RIT2: variants seen among roughly 807,000 people sequenced by gnomAD.
RIT2 encodes GTP-binding protein Rit2.
Under a neutral mutation model 23.7 loss-of-function variants are expected in RIT2, and 24 were observed. That is an observed-to-expected ratio of 1.01 (90% confidence interval 0.73 to 1.43). The LOEUF (loss-of-function observed/expected upper bound fraction) is 1.43. Ranked by LOEUF, RIT2 falls within the 40% of genes most tolerant of loss-of-function variation. The probability of loss-of-function intolerance (pLI) is 0.00; values close to 1 mark genes in which losing one functional copy is unlikely to be tolerated. For missense variants in RIT2, 236 were observed against 266.9 expected (o/e 0.88, Z 0.81); for synonymous variants, 107 against 91.1 (o/e 1.17, Z -0.99).
chr18:43,065,243 T>C (rs1398171464), intron 1 of RIT2, among the ~76,000 whole-genome samples: 1 of 91,502 alleles, frequency 1.1e-5, no homozygotes, highest in Non-Finnish European at 2.4e-5. Flanking sequence ...TTTTTTTTTT[T>C]AGAGACATGG....
At chr18:42,965,190 A>T (rs1437006967) in intron 3 of RIT2, among the ~76,000 whole-genome samples, 1 of 152,214 alleles carries the variant, frequency 6.6e-6, no homozygotes, top group African/African-American at 2.4e-5. Flanking sequence ...TGAATGAACA[A>T]ACCAGTTTTG....
intron 4 of RIT2, among the ~76,000 whole-genome samples, chr18:42,747,164 T>C (rs548364671): frequency 1.3e-5 from 2 of 151,834 alleles, no homozygotes; most frequent in Admixed American, 1.3e-4. Flanking sequence ...TAAAGACTCT[T>C]CCAAAAAGCT....
intron 1 of RIT2, among the ~76,000 whole-genome samples, chr18:43,103,762 G>A (rs1224404962): frequency 6.6e-6 from 1 of 152,266 alleles, no homozygotes; most frequent in African/African-American, 2.4e-5. Context: ...ACATGTCTGG[G>A]TCTATTTCAA....
intron 2 of RIT2, among the ~76,000 whole-genome samples, chr18:43,015,472 G>T (rs1911452122): frequency 1.3e-5 from 2 of 151,664 alleles, no homozygotes; most frequent in Non-Finnish European, 3.0e-5. Flanking sequence ...TGGATGTTTA[G>T]TTTTAGAAGT....
intron 4 of RIT2, among the ~76,000 whole-genome samples, chr18:42,835,256 T>C (rs761377584): frequency 8.5e-5 from 13 of 152,062 alleles, no homozygotes; most frequent in Non-Finnish European, 1.8e-4. Flanking sequence ...GGAAAAAATG[T>C]GTAGCTATGT....
intron 1 of RIT2, among the ~76,000 whole-genome samples, chr18:43,113,499 A>T (rs558601723): frequency 3.7e-4 from 57 of 152,330 alleles, no homozygotes; most frequent in African/African-American, 1.3e-3. Flanking sequence ...AGAGCAAGCC[A>T]GGCCACTCTG....
intron 4 of RIT2, among the ~76,000 whole-genome samples, chr18:42,829,819 A>G (rs73470080): frequency 6.6e-6 from 1 of 152,190 alleles, no homozygotes; most frequent in African/African-American, 2.4e-5. Flanking sequence ...AAAACATCAT[A>G]TAAAAGATAC....
intron 1 of RIT2, among the ~76,000 whole-genome samples, chr18:43,086,145 T>C (rs1339590223): frequency 6.6e-6 from 1 of 152,194 alleles, no homozygotes; most frequent in Non-Finnish European, 1.5e-5. Flanking sequence ...TATTCTTGGC[T>C]CAACATTCCT....
intron 2 of RIT2, among the ~76,000 whole-genome samples, chr18:42,984,467 C>T (rs1910664549): frequency 6.6e-6 from 1 of 151,974 alleles, no homozygotes; most frequent in Non-Finnish European, 1.5e-5. Context: ...GGGAAATGTT[C>T]TGTGTTTTGA....
chr18:42,996,322 T>A (rs1910982689), intron 2 of RIT2, among the ~76,000 whole-genome samples: 1 of 151,852 alleles, frequency 6.6e-6, no homozygotes, highest in Admixed American at 6.6e-5. Flanking sequence ...CTCCATACCA[T>A]CCCCCAAAAT....
intron 2 of RIT2, among the ~76,000 whole-genome samples, chr18:42,982,677 T>A (rs2144215841): frequency 6.6e-6 from 1 of 152,264 alleles, no homozygotes; most frequent in East Asian, 1.9e-4. Flanking sequence ...TTTTGATCTT[T>A]CAGGATTTCA....
intron 1 of RIT2, among the ~76,000 whole-genome samples, chr18:43,089,731 G>T (rs1913375623): frequency 6.6e-6 from 1 of 151,866 alleles, no homozygotes; most frequent in Non-Finnish European, 1.5e-5. Flanking sequence ...CAGAAATAAG[G>T]CTGCATACTT....
At chr18:43,017,894 T>G (rs1911509555) in intron 2 of RIT2, among the ~76,000 whole-genome samples, 1 of 152,092 alleles carries the variant, frequency 6.6e-6, no homozygotes, top group Admixed American at 6.6e-5. Flanking sequence ...TAGAAGGTTT[T>G]GATTATTTAC....
rs759986324 is a variant in RIT2 at position 42,974,164 on chromosome 18, A to G, written c.161-17T>C. 1 of 1,569,088 alleles carries G rather than the reference A, an allele frequency of 6.4e-7. No individual in the cohort carries two copies. Among genetic ancestry groups the G allele is most frequent in the African/African-American group, 1.4e-5 (1 of 73,916 alleles). On this transcript the variant is annotated splice_polypyrimidine_tract_variant and intron_variant, in intron 2 of 4. Coordinates refer to ENST00000326695, the MANE Select transcript of RIT2 (RefSeq NM_002930.4). ...AAGCATCTTCTGAAAAACACAAGAC[A>G]ACATTTACATTTAAATGTGACAGGA...
intron 3 of RIT2, among the ~76,000 whole-genome samples, chr18:42,971,496 G>A (rs1001076952): frequency 2.0e-5 from 3 of 151,978 alleles, no homozygotes; most frequent in African/African-American, 4.8e-5. Context: ...CCACAATGAG[G>A]TAAGATTCTC....
chr18:43,004,029 T>C (rs4635414), intron 2 of RIT2, among the ~76,000 whole-genome samples: 3 of 151,674 alleles, frequency 2.0e-5, no homozygotes, highest in African/African-American at 7.3e-5. Context: ...CTGTACTGAT[T>C]TTTCCCCCCG....
chr18:42,913,375 A>G (rs1311286777), intron 4 of RIT2, among the ~76,000 whole-genome samples: 1 of 151,924 alleles, frequency 6.6e-6, no homozygotes, highest in Non-Finnish European at 1.5e-5. Flanking sequence ...AGAGGGAAAA[A>G]ATCAATACAT....
intron 3 of RIT2, chr18:42,949,195 G>A (rs1909793228): frequency 2.5e-6 from 1 of 394,188 alleles, no homozygotes; most frequent in Non-Finnish European, 4.5e-6. Context: ...GGGCACATGT[G>A]TGCTGTGGGG....
intron 1 of RIT2, among the ~76,000 whole-genome samples, chr18:43,046,405 A>T (rs1912248460): frequency 6.6e-6 from 1 of 152,218 alleles, no homozygotes; most frequent in South Asian, 2.1e-4. Flanking sequence ...AAACACAACC[A>T]CTGACTAGAT....
Sources: gnomAD v4.1 joint callset for allele counts (sites outside exome capture counted in the v4.1 genomes callset) on GRCh38, gnomAD v4.1.1 for gene constraint, MANE v1.5 for transcripts, NCBI Gene and HGNC (gene_info 2026-07-23, HGNC 2026-07-21) for gene names.